ARHGAP26: variants seen among roughly 807,000 people sequenced by gnomAD.
ARHGAP26 encodes rho GTPase-activating protein 26.
In ARHGAP26, 38 loss-of-function variants were observed where a neutral mutation model predicts 104.8. That is an observed-to-expected ratio of 0.36 (90% CI 0.28 to 0.48). ARHGAP26 has a LOEUF of 0.48. ARHGAP26 is among the 20% of genes least tolerant of loss of function. The pLI is 0.99. For missense variants in ARHGAP26, 704 were observed against 947.9 expected (o/e 0.74, Z 3.38); for synonymous variants, 341 against 340.0 (o/e 1.00, Z -0.03).
At chr5:143,149,931 T>C (rs1002495707) in intron 20 of ARHGAP26, among the ~76,000 whole-genome samples, 6 of 152,224 alleles carry the variant, frequency 3.9e-5, no homozygotes, top group South Asian at 2.1e-4. Context: ...AGAGAAATCA[T>C]AGTGAAAGAA....
intron 22 of ARHGAP26, among the ~76,000 whole-genome samples, chr5:143,215,587 A>G (rs970716839): frequency 6.6e-6 from 1 of 152,140 alleles, no homozygotes; most frequent in Non-Finnish European, 1.5e-5. Flanking sequence ...ATCACCCCCA[A>G]AAGAAACCCC....
intron 1 of ARHGAP26, among the ~76,000 whole-genome samples, chr5:142,781,691 A>G (rs938053356): frequency 1.3e-5 from 2 of 152,142 alleles, no homozygotes; most frequent in Non-Finnish European, 2.9e-5. Flanking sequence ...AAACACTGAT[A>G]AGTTATAGAG....
At chr5:143,075,057 A>G (rs1788792611) in intron 17 of ARHGAP26, among the ~76,000 whole-genome samples, 1 of 152,224 alleles carries the variant, frequency 6.6e-6, no homozygotes, top group African/African-American at 2.4e-5. Flanking sequence ...ATCATTAGAT[A>G]ATGGATAGCA....
intron 5 of ARHGAP26, among the ~76,000 whole-genome samples, chr5:142,893,010 G>C (rs1417759777): frequency 9.5e-6 from 1 of 104,870 alleles, no homozygotes; most frequent in African/African-American, 3.8e-5. Flanking sequence ...TTTTGAGACA[G>C]AGTCTCGCTC....
rs979247238 is a variant in ARHGAP26, at chr5:143,196,928, T to C, written c.1989-10270T>C. 6.6e-5 allele frequency among the ~76,000 whole-genome samples: 10 copies of C among 152,274 alleles called. No individual in the cohort carries two copies. In the East Asian group the frequency reaches 1.9e-3, roughly 29 times the overall value. Reference sequence around the variant, plus strand: ...TTACAGATACATTTTAGTAAGTAGGTGAATTTGCAAATAAGGAATATGGAA... The same window carrying C: ...TTACAGATACATTTTAGTAAGTAGGCGAATTTGCAAATAAGGAATATGGAA... On this transcript the variant is annotated intron_variant, in intron 20 of 22. Coordinates refer to ENST00000645722, the MANE Select transcript of ARHGAP26 (RefSeq NM_001135608.3).
At chr5:142,788,355 C>T (rs960428170) in intron 1 of ARHGAP26, among the ~76,000 whole-genome samples, 1 of 152,088 alleles carries the variant, frequency 6.6e-6, no homozygotes, top group Non-Finnish European at 1.5e-5. Context: ...TTCCCGACTC[C>T]CACCCCATTT....
chr5:142,950,859 T>C lies in ARHGAP26; in HGVS notation c.1107+18734T>C, dbSNP rs537296296. On this transcript the variant is annotated intron_variant, in intron 11 of 22. Transcript: ENST00000645722. ...GGCTAGCATCTGTCAAGAGAGCCCATCTTGCTTGCAAACCAAGTTACTCCT... is the reference window on the plus strand; with the variant it reads ...GGCTAGCATCTGTCAAGAGAGCCCACCTTGCTTGCAAACCAAGTTACTCCT... Among the ~76,000 whole-genome samples the C allele has an allele frequency of 2.0e-5, 3 of 152,346 alleles. No homozygotes were observed. The South Asian group carries it at 6.2e-4, about 32-fold the overall frequency.
At chr5:143,018,219 A>C (rs1779852623) in intron 12 of ARHGAP26, among the ~76,000 whole-genome samples, 1 of 152,168 alleles carries the variant, frequency 6.6e-6, no homozygotes, top group African/African-American at 2.4e-5. Flanking sequence ...ATATGTAAAA[A>C]GTTCCTACTG....
chr5:143,091,071 AAG>A (rs1562404096), intron 17 of ARHGAP26, among the ~76,000 whole-genome samples: 2 of 152,238 alleles, frequency 1.3e-5, no homozygotes, highest in Non-Finnish European at 2.9e-5. Flanking sequence ...GTAAAGAAAA[AAG>A]AGTAATAGAA....
At chr5:143,041,594 G>C in intron 13 of ARHGAP26, 1 of 462,636 alleles carries the variant, frequency 2.2e-6, no homozygotes, top group East Asian at 3.1e-5. Flanking sequence ...GAACTAACAT[G>C]AGGGCTGAAG....
intron 1 of ARHGAP26, among the ~76,000 whole-genome samples, chr5:142,788,747 C>G (rs1759173245): frequency 6.6e-6 from 1 of 152,172 alleles, no homozygotes; most frequent in Non-Finnish European, 1.5e-5. Context: ...CATTTCATAT[C>G]AGGGACTTGA....
intron 19 of ARHGAP26, among the ~76,000 whole-genome samples, chr5:143,136,623 G>C (rs886423090): frequency 2.0e-5 from 3 of 152,266 alleles, no homozygotes; most frequent in South Asian, 4.1e-4. Context: ...GCACCCTGTG[G>C]GGGGGCAGTG....
chr5:143,080,936 C>G (rs1359845342), intron 17 of ARHGAP26, among the ~76,000 whole-genome samples: 1 of 152,090 alleles, frequency 6.6e-6, no homozygotes, highest in Non-Finnish European at 1.5e-5. Context: ...AAATGCTGAA[C>G]AGTGGGCACA....
At chr5:143,016,695 T>C (rs2152825370) in intron 12 of ARHGAP26, among the ~76,000 whole-genome samples, 1 of 94,406 alleles carries the variant, frequency 1.1e-5, no homozygotes, top group South Asian at 3.6e-4. Flanking sequence ...AGACTGAGAC[T>C]CTGTCTCAAA....
chr5:142,816,239 T>C (rs1209483994), intron 1 of ARHGAP26, among the ~76,000 whole-genome samples: 1 of 152,218 alleles, frequency 6.6e-6, no homozygotes, highest in Non-Finnish European at 1.5e-5. Context: ...ACCATGTCTT[T>C]TTTTGTTTAC....
At chr5:142,791,099 A>G (rs1403926602) in intron 1 of ARHGAP26, among the ~76,000 whole-genome samples, 1 of 105,334 alleles carries the variant, frequency 9.5e-6, no homozygotes, top group African/African-American at 7.7e-5. Context: ...TTTTTTTTTG[A>G]GACAGAGTCT....
rs146062313 is a variant in ARHGAP26, at chr5:143,104,906, CATTT to C, written c.1539-16080_1539-16077del. Among the ~76,000 whole-genome samples the C allele has an allele frequency of 8.4e-3, 1,281 of 152,178 alleles. 18 individuals carry two copies. The highest frequency in any genetic ancestry group is 0.029 in the African/African-American group (1,193 of 41,510). On this transcript the variant is annotated intron_variant, in intron 17 of 22. Transcript: ENST00000645722. ...ACGTATACCTTAAAACATTGAATAA[CATTT>C]AGTTATTTCTGGATGGTAGAATCAC...
At chr5:142,936,143 ACACC>A (rs1441506088) in intron 11 of ARHGAP26, among the ~76,000 whole-genome samples, 1 of 150,712 alleles carries the variant, frequency 6.6e-6, no homozygotes, top group East Asian at 1.9e-4. Flanking sequence ...ACACACACAC[ACACC>A]CCTTCTATAA....
rs57822966 is a variant in ARHGAP26, at chr5:143,226,485, G to GAAA, written c.*4058_*4060dup. ...GACAGAGCCAGACTCCGTCTCAAAG[G>GAAA]AAAAAAAAAAAAAAAAAAAAAGAAT... On this transcript the variant is annotated 3_prime_UTR_variant, in exon 23 of 23. Coordinates refer to ENST00000645722, the MANE Select transcript of ARHGAP26 (RefSeq NM_001135608.3). The GAAA allele has an allele frequency of 2.8e-5, 4 of 140,824 alleles. No individual in the cohort carries two copies. The highest frequency in any genetic ancestry group is 3.0e-5 in the Non-Finnish European group (2 of 66,622). The allele number at this position is 140,824 out of a possible 1,614,324, so 8.7% of individuals were successfully genotyped here.
Sources: gnomAD v4.1 joint callset for allele counts (sites outside exome capture counted in the v4.1 genomes callset) on GRCh38, gnomAD v4.1.1 for gene constraint, MANE v1.5 for transcripts, NCBI Gene and HGNC (gene_info 2026-07-23, HGNC 2026-07-21) for gene names.